Variants in MMADHC observed in about 807,000 individuals in gnomAD.
MMADHC encodes the protein cobalamin trafficking protein CblD.
MMADHC carries 23 observed loss-of-function variants against 36.3 expected under a neutral mutation model. The ratio of observed to expected loss-of-function variants is 0.63; its 90% CI spans 0.46 to 0.90. MMADHC has a LOEUF of 0.90. Ranked by LOEUF, MMADHC falls within the 40% of genes least tolerant of loss-of-function variation. The pLI is 0.00. For missense variants in MMADHC, 330 were observed against 348.0 expected, an observed-to-expected ratio of 0.95 and a Z score of 0.41; for synonymous variants, 97 against 116.1, an observed-to-expected ratio of 0.84 and a Z score of 1.06.
intron 6 of MMADHC, among the ~76,000 whole-genome samples, chr2:149,571,534 A>T (rs1331882285): frequency 6.6e-6 from 1 of 152,204 alleles, no homozygotes; most frequent in African/African-American, 2.4e-5. Context: ...TAGGTAAAAT[A>T]CTAAATAGGT....
intron 3 of MMADHC, among the ~76,000 whole-genome samples, chr2:149,580,519 T>C (rs1472626944): frequency 6.6e-6 from 1 of 152,074 alleles, no homozygotes; most frequent in Non-Finnish European, 1.5e-5. Context: ...CAGAAAAGAA[T>C]AAAGTAGAAA....
At chr2:149,578,930 A>AC (rs1292568802) in intron 4 of MMADHC, among the ~76,000 whole-genome samples, 1 of 150,900 alleles carries the variant, frequency 6.6e-6, no homozygotes, top group African/African-American at 2.4e-5. Context: ...AAAAAAAAAA[A>AC]CCCAAACAAA....
intron 7 of MMADHC, 152 bp downstream of exon 7, chr2:149,570,933 T>C: frequency 1.6e-6 from 1 of 606,870 alleles, no homozygotes; most frequent in Non-Finnish European, 2.9e-6. Context: ...CTCTCAAAAG[T>C]TGAGAATTCA....
chr2:149,570,286 G>A (rs1682620555), intron 7 of MMADHC, 118 bp from the exon 8 acceptor site: 7 of 896,354 alleles, frequency 7.8e-6, no homozygotes, highest in Middle Eastern at 4.8e-4. Context: ...AACTAAATAA[G>A]TAAAAAGTCA....
intron 4 of MMADHC, among the ~76,000 whole-genome samples, chr2:149,579,020 A>G (rs1682757136): frequency 6.7e-6 from 1 of 149,934 alleles, no homozygotes; most frequent in Non-Finnish European, 1.5e-5. Flanking sequence ...GAACAATTTC[A>G]GAGATCTCAA....
chr2:149,578,506 C>T (rs920200207), intron 4 of MMADHC, among the ~76,000 whole-genome samples: 23 of 152,046 alleles, frequency 1.5e-4, no homozygotes, highest in African/African-American at 5.6e-4. Flanking sequence ...CTGGAAATGT[C>T]AGAAATAGAA....
At chr2:149,583,635 T>C (rs1682824339) in intron 2 of MMADHC, among the ~76,000 whole-genome samples, 1 of 152,260 alleles carries the variant, frequency 6.6e-6, no homozygotes, top group East Asian at 1.9e-4. Context: ...TGAAAATCAG[T>C]TACCAGGATG....
intron 6 of MMADHC, among the ~76,000 whole-genome samples, chr2:149,571,985 T>C (rs1417780479): frequency 1.3e-5 from 2 of 152,152 alleles, no homozygotes; most frequent in Non-Finnish European, 2.9e-5. Flanking sequence ...GTAAATGATG[T>C]ACAGAGTTAA....
At chr2:149,585,711 T>C (rs1682859897) in intron 2 of MMADHC, among the ~76,000 whole-genome samples, 1 of 152,208 alleles carries the variant, frequency 6.6e-6, no homozygotes, top group South Asian at 2.1e-4. Context: ...CTCTGAAACA[T>C]GAACATTCTT....
rs766602754 is a variant in MMADHC at position 149,583,000 on chromosome 2, T to C, written c.10-729A>G. ...TGGTAAATAAAGTTTTACTGTAACA[T>C]AGACATACTAATTTATGTACTGCCT... On this transcript the variant is annotated intron_variant, in intron 2 of 7. Coordinates refer to ENST00000303319, the MANE Select transcript of MMADHC (RefSeq NM_015702.3). 6.4e-4 allele frequency among the ~76,000 whole-genome samples: 97 copies of C among 152,300 alleles called. 1 individual carries two copies. Among genetic ancestry groups the C allele is most frequent in the Middle Eastern group, 3.4e-3 (1 of 294 alleles).
chr2:149,587,019 AC>A (rs1682881252), intron 2 of MMADHC, 69 bp downstream of exon 2: 1 of 1,476,814 alleles, frequency 6.8e-7, no homozygotes. Flanking sequence ...TCATAATTAA[AC>A]CCGTTCTTTC....
intron 2 of MMADHC, 68 bp from the exon 3 acceptor site, chr2:149,582,339 T>C: frequency 6.6e-7 from 1 of 1,524,978 alleles, no homozygotes; most frequent in Non-Finnish European, 9.0e-7. Flanking sequence ...AGACAATCTC[T>C]GGCAAATCTT....
At chr2:149,576,256 C>A (rs564741405) in intron 5 of MMADHC, among the ~76,000 whole-genome samples, 181 bp downstream of exon 5, 2 of 152,294 alleles carry the variant, frequency 1.3e-5, no homozygotes, top group Non-Finnish European at 2.9e-5. Flanking sequence ...TATCTAATGG[C>A]AGCATGAGGT....
At chr2:149,573,976 T>C (rs559782227) in intron 6 of MMADHC, among the ~76,000 whole-genome samples, 2 of 152,238 alleles carry the variant, frequency 1.3e-5, no homozygotes, top group South Asian at 4.1e-4. Context: ...ATATCAAATA[T>C]TTACTTGGAG....
chr2:149,579,198 C>T (rs1196110382), intron 4 of MMADHC, among the ~76,000 whole-genome samples: 1 of 151,714 alleles, frequency 6.6e-6, no homozygotes, highest in African/African-American at 2.4e-5. Flanking sequence ...TAAAAACATA[C>T]TTTTCAAGAA....
In MMADHC at chr2:149,570,059, A is replaced by C; in HGVS notation, c.806T>G (p.Leu269Arg). 2 of 1,613,790 alleles carry C rather than the reference A, an allele frequency of 1.2e-6. No homozygotes were observed. The highest frequency in any genetic ancestry group is 8.5e-7 in the Non-Finnish European group (1 of 1,179,742). ...CCCTACAACTACATGGGTACCCCAG[A>C]GACTATGACGAATCACTTTACAGCA... The part of the protein sequence containing the change: ...LGCCKVIRHS[L>R]WGTHVVVGSI... The change falls in exon 8 of 8, where the codon CTC becomes CGC. Residue 269 changes from leucine (L) to arginine (R), a missense_variant. By Grantham distance (102) the Leu-to-Arg change is moderately radical. Coordinates refer to ENST00000303319, the MANE Select transcript of MMADHC (RefSeq NM_015702.3).
rs117308535 is a variant in MMADHC, at chr2:149,581,377, C to T, written c.154+750G>A. 9.0e-3 allele frequency among the ~76,000 whole-genome samples: 1,362 copies of T among 152,144 alleles called. 51 individuals are homozygous for T. Among genetic ancestry groups the T allele is most frequent in the Admixed American group, 0.071 (1,079 of 15,266 alleles). On this transcript the variant is annotated intron_variant, in intron 3 of 7. Transcript: ENST00000303319. ...TAGAAAACTTGGGCAGGATGGAAGG[C>T]TCTGAATGCTCAAGTGAACTTAAAT...
rs1232191985 is a variant in MMADHC, at chr2:149,576,520, T to C, written c.395A>G (p.Gln132Arg). ...EFQGNDAPVE[Q>R]EINSAETYFE... is the part of the protein sequence containing the mutation. ...GTAAGTTTCTGCACTGTTAATTTCT[T>C]GTTCAACAGGTGCATCATTACCCTA... Residue 132 changes from glutamine (Q) to arginine (R), a missense_variant, in exon 5 of 8, where the codon CAA (glutamine) becomes CGA (arginine). Transcript: ENST00000303319. 1 of 1,613,392 alleles carries C rather than the reference T, an allele frequency of 6.2e-7. No individual in the cohort carries two copies. The highest frequency in any genetic ancestry group is 8.5e-7 in the Non-Finnish European group (1 of 1,179,392).
Position 149,582,151 on chromosome 2 carries a change from CAT to C in MMADHC, c.128_129del (p.His43ArgfsTer16), listed in dbSNP as rs1162948308. The stretch of plus-strand genomic sequence containing the variant: ...CATATATCTGGAGGTGCAGCAGCCA[CAT>C]GAGACTCATCCGAACCTGATGATCC... ...TAGSSGSDESHVAAAPPDICS... is the reference protein window; with the variant it reads ...TAGSSGSDESXVAAAPPDICS... On this transcript the variant is annotated frameshift_variant, in exon 3 of 8. Coordinates refer to ENST00000303319, the MANE Select transcript of MMADHC (RefSeq NM_015702.3). LOFTEE classifies it high-confidence loss of function. The C allele has an allele frequency of 2.5e-6, 4 of 1,613,924 alleles. No homozygotes were observed. The highest frequency in any genetic ancestry group is 3.4e-6 in the Non-Finnish European group (4 of 1,179,852).
Sources: gnomAD v4.1 joint callset for allele counts (sites outside exome capture counted in the v4.1 genomes callset) on GRCh38, gnomAD v4.1.1 for gene constraint, MANE v1.5 for transcripts, NCBI Gene and HGNC (gene_info 2026-07-23, HGNC 2026-07-21) for gene names.